SORT1: variants seen among roughly 807,000 people sequenced by gnomAD.
SORT1 encodes sortilin 1, also known as sortilin.
A neutral mutation model predicts 101.7 loss-of-function variants in SORT1; 39 were observed. The observed-to-expected ratio is 0.38, with a 90% CI of 0.30 to 0.50. The LOEUF is 0.50. Among genes scored for constraint, SORT1 ranks in the 20% least tolerant of loss-of-function variants. The probability of loss-of-function intolerance (pLI) is 0.90; values close to 1 mark genes in which losing one functional copy is unlikely to be tolerated. For synonymous variants in SORT1, 396 were observed against 393.7 expected (o/e 1.01, Z -0.07); for missense variants, 878 against 1,040.4 (o/e 0.84, Z 2.15).
At chr1:109,371,488 G>A (rs569965450) in intron 1 of SORT1, among the ~76,000 whole-genome samples, 1 of 152,102 alleles carries the variant, frequency 6.6e-6, no homozygotes, top group Non-Finnish European at 1.5e-5. Flanking sequence ...TCATAACTAA[G>A]AGAAAAGAAA....
rs1289697606 is a variant in SORT1 at position 109,312,079 on chromosome 1, G to GT, written c.*1963dup. 5 of 152,176 alleles carry GT rather than the reference G, an allele frequency of 3.3e-5. No individual in the cohort carries two copies. The highest frequency in any genetic ancestry group is 9.7e-5 in the African/African-American group (4 of 41,430). The allele number at this position is 152,176 out of a possible 1,614,324, so 9.4% of individuals were successfully genotyped here. ...TTGAGTTTCCTACGTCTTAAAATGA[G>GT]TAAGAGGATTACCATGTATTGGTGC... is the stretch of plus-strand genomic sequence containing the variant. On this transcript the variant is annotated 3_prime_UTR_variant, in exon 20 of 20. Coordinates refer to ENST00000256637, the MANE Select transcript of SORT1 (RefSeq NM_002959.7).
At chr1:109,333,917 C>A (rs192244239) in intron 11 of SORT1, among the ~76,000 whole-genome samples, 2 of 152,088 alleles carry the variant, frequency 1.3e-5, no homozygotes, top group East Asian at 1.9e-4. Flanking sequence ...GAGGCAGAGG[C>A]GGGTGGATCA....
intron 15 of SORT1, among the ~76,000 whole-genome samples, chr1:109,318,701 C>G (rs1258242894): frequency 6.6e-6 from 1 of 152,106 alleles, no homozygotes; most frequent in Non-Finnish European, 1.5e-5. Context: ...GCTCTGTTGC[C>G]CAGGCTGGAG....
At position 109,355,779 on chromosome 1, in the gene SORT1, T is replaced by C. The variant is rs561684917; in HGVS notation, c.441-310A>G. Among the ~76,000 whole-genome samples the C allele has an allele frequency of 7.9e-5, 12 of 152,164 alleles. No individual in the cohort carries two copies. The East Asian group carries it at 2.1e-3, about 27-fold the overall frequency. On this transcript the variant is annotated intron_variant, in intron 3 of 19. Transcript: ENST00000256637. ...TAGGAAGCACACTGCCTCCCACTTA[T>C]GATAGCTACCTGATAAAATGGTCTA...
At position 109,327,039 on chromosome 1, in the gene SORT1, G is replaced by T. The variant is rs1423970770; in HGVS notation, c.1596C>A (p.Gly532=). ...TGCTGTGCTCAATGGCCACAATGAT[G>T]CCTCCAGAATCCAGGATGGTGTAAT... The part of the protein sequence containing the change: ...PHYYTILDSG[G]IIVAIEHSSR... The change falls in exon 13 of 20, where the codon GGC becomes GGA. Residue 532 remains glycine (G), a synonymous_variant. Coordinates refer to ENST00000256637, the MANE Select transcript of SORT1 (RefSeq NM_002959.7). 6.2e-7 allele frequency: 1 copy of T among 1,612,612 alleles called. No homozygotes were observed. Among genetic ancestry groups the T allele is most frequent in the South Asian group, 1.1e-5 (1 of 90,990 alleles).
intron 1 of SORT1, among the ~76,000 whole-genome samples, chr1:109,376,746 G>T (rs1651883172): frequency 6.6e-6 from 1 of 152,104 alleles, no homozygotes; most frequent in Non-Finnish European, 1.5e-5. Flanking sequence ...ATTAGAGGAG[G>T]GACGCAGGTG....
chr1:109,323,239 ATTCCT>A, intron 14 of SORT1, 118 bp from the exon 15 acceptor site: 1 of 681,796 alleles, frequency 1.5e-6, no homozygotes, highest in Non-Finnish European at 2.5e-6. Flanking sequence ...GACTCAACCT[ATTCCT>A]TCATTTTGGA....
chr1:109,347,420 C>T (rs1649675017), intron 7 of SORT1, 63 bp downstream of exon 7: 1 of 1,168,854 alleles, frequency 8.6e-7, no homozygotes, highest in Non-Finnish European at 1.3e-6. Context: ...CCTTGCACAA[C>T]CCAGAAAATT....
Position 109,384,319 on chromosome 1 carries a change from G to A in SORT1, c.306+13268C>T, listed in dbSNP as rs112025236. ...TCACTCTAATTCAATTTATTAAACC[G>A]GTTAGAATTGTCTAATATTAGAAAT... is the stretch of plus-strand genomic sequence containing the variant. On this transcript the variant is annotated intron_variant, in intron 1 of 19. Transcript: ENST00000256637. 1.5e-3 allele frequency among the ~76,000 whole-genome samples: 232 copies of A among 152,184 alleles called. 1 individual carries two copies. Among genetic ancestry groups the A allele is most frequent in the Middle Eastern group, 6.8e-3 (2 of 292 alleles).
At chr1:109,344,697 CATTTAT>C (rs2101586948) in intron 8 of SORT1, among the ~76,000 whole-genome samples, 1 of 152,222 alleles carries the variant, frequency 6.6e-6, no homozygotes, top group African/African-American at 2.4e-5. Context: ...CACACACTCA[CATTTAT>C]ATTTATTTAT....
intron 15 of SORT1, among the ~76,000 whole-genome samples, chr1:109,322,600 C>T (rs1434870266): frequency 6.6e-6 from 1 of 152,200 alleles, no homozygotes; most frequent in Admixed American, 6.5e-5. Flanking sequence ...ATGATCTCAG[C>T]TCACTGCAAC....
Position 109,313,920 on chromosome 1 carries a change from A to T in SORT1, c.*123T>A. On this transcript the variant is annotated 3_prime_UTR_variant, in exon 20 of 20. Transcript: ENST00000256637. ...GTGTAGGTCCTTTTGGCTTTGATGG[A>T]AGCAGCAGAAACAGAGCTGGGTCCC... The T allele has an allele frequency of 1.0e-5, 7 of 673,054 alleles. No individual in the cohort carries two copies. Among genetic ancestry groups the T allele is most frequent in the East Asian group, 3.9e-5 (1 of 25,622 alleles). 41.7% of individuals were successfully genotyped at this position (673,054 alleles called of 1,614,324 possible). A position where few individuals can be genotyped will look rare whatever the true frequency, so the allele number is the denominator to read the frequency against.
rs1396609347 is a variant in SORT1 at position 109,397,801 on chromosome 1, G to A, written c.92C>T (p.Thr31Ile). 7.9e-7 allele frequency: 1 copy of A among 1,273,100 alleles called. No homozygotes were observed. The highest frequency in any genetic ancestry group is 1.0e-6 in the Non-Finnish European group (1 of 1,001,766). The allele number at this position is 1,273,100 out of a possible 1,614,324, so 78.9% of individuals were successfully genotyped here. A position where few individuals can be genotyped will look rare whatever the true frequency, so the allele number is the denominator to read the frequency against. The change falls in exon 1 of 20, where the codon ACC becomes ATC. Residue 31 changes from threonine to isoleucine, a missense_variant. Around this residue, in one of 2 missense-constraint regions of SORT1, gnomAD observed 194 missense variants for 145.9 expected, o/e 1.33. Transcript: ENST00000256637. ...CGCGTCCAGCCGGTCCTGGCTGAGGGTCGACGGCGGCAGCAGCTGCAGGAG... is the reference window on the plus strand; with the variant it reads ...CGCGTCCAGCCGGTCCTGGCTGAGGATCGACGGCGGCAGCAGCTGCAGGAG... ...LLLLQLLPPS[T>I]LSQDRLDAPP...
chr1:109,369,007 C>T (rs1367857013), intron 2 of SORT1, among the ~76,000 whole-genome samples: 9 of 152,190 alleles, frequency 5.9e-5, no homozygotes, highest in Non-Finnish European at 1.3e-4. Flanking sequence ...CATCTTCCCA[C>T]CGTGGAAGAA....
chr1:109,357,375 C>A (rs1650395475), intron 3 of SORT1, among the ~76,000 whole-genome samples: 1 of 152,196 alleles, frequency 6.6e-6, no homozygotes, highest in South Asian at 2.1e-4. Flanking sequence ...GCGGCCTCAA[C>A]AAATAAAGAA....
chr1:109,318,363 G>A (rs1570885077), intron 15 of SORT1, among the ~76,000 whole-genome samples: 1 of 152,262 alleles, frequency 6.6e-6, no homozygotes, highest in African/African-American at 2.4e-5. Flanking sequence ...TGTTGGTCAG[G>A]CTGGTCTCAA....
intron 8 of SORT1, among the ~76,000 whole-genome samples, chr1:109,344,506 T>C (rs1293936089): frequency 6.6e-6 from 1 of 152,064 alleles, no homozygotes; most frequent in Admixed American, 6.6e-5. Context: ...AGTCTGAGGG[T>C]CTCTGCACTG....
chr1:109,360,937 T>TC (rs1349453281), intron 3 of SORT1, among the ~76,000 whole-genome samples: 1 of 152,214 alleles, frequency 6.6e-6, no homozygotes, highest in Non-Finnish European at 1.5e-5. Context: ...CTGAAAGCCT[T>TC]CCCTCATTGG....
At chr1:109,344,721 G>A (rs144936022) in intron 8 of SORT1, among the ~76,000 whole-genome samples, 1 of 152,156 alleles carries the variant, frequency 6.6e-6, no homozygotes, top group East Asian at 1.9e-4. Flanking sequence ...TATGAGACAG[G>A]GTCTTGTGCT....
Sources: allele counts gnomAD v4.1 joint callset (sites outside exome capture counted in the v4.1 genomes callset), GRCh38; gene constraint gnomAD v4.1.1; regional missense constraint gnomAD v4.1.1; transcripts MANE v1.5; gene names NCBI Gene and HGNC (gene_info 2026-07-23, HGNC 2026-07-21).